MAP3K4: variants seen among roughly 807,000 people sequenced by gnomAD.
MAP3K4 encodes the protein mitogen-activated protein kinase kinase kinase 4.
MAP3K4 carries 67 observed loss-of-function variants against 185.6 expected under a neutral mutation model. The observed-to-expected ratio is 0.36, with a 90% confidence interval of 0.30 to 0.44. The LOEUF (loss-of-function observed/expected upper bound fraction) is 0.44, where lower values mean the gene tolerates loss of function less well. MAP3K4 is among the 20% of genes least tolerant of loss of function. MAP3K4 has a pLI of 1.00. For missense variants in MAP3K4, 1,551 were observed against 1,995.1 expected, an observed-to-expected ratio of 0.78 and a Z score of 4.24; for synonymous variants, 702 against 710.4, an observed-to-expected ratio of 0.99 and a Z score of 0.19.
At chr6:161,102,895 A>G (rs1583236908) in intron 19 of MAP3K4, 116 bp downstream of exon 19, 2 of 630,328 alleles carry the variant, frequency 3.2e-6, no homozygotes, top group East Asian at 5.7e-5. Context: ...GGCCTCCTCC[A>G]TTACTATTTT....
chr6:161,044,642 T>A (rs1783637035), intron 2 of MAP3K4, among the ~76,000 whole-genome samples: 1 of 152,234 alleles, frequency 6.6e-6, no homozygotes, highest in Non-Finnish European at 1.5e-5. Context: ...ACTCTCTGTG[T>A]CAGTCCATTT....
rs1777704954 is a variant in MAP3K4 at position 161,098,875 on chromosome 6, TAGA to T, written c.3674+451_3674+453del. Among the ~76,000 whole-genome samples, 1 of 152,162 alleles carries T rather than the reference TAGA, an allele frequency of 6.6e-6. No homozygotes were observed. The highest frequency in any genetic ancestry group is 6.5e-5 in the Admixed American group (1 of 15,276). The stretch of plus-strand genomic sequence containing the variant: ...TACTCTATTTTAAATAATTGTTGAT[TAGA>T]AGTAGTTTATAGAAGTGGAAAAATG... On this transcript the variant is annotated intron_variant, in intron 17 of 26. Transcript: ENST00000392142. This position sits in a 1 kb window ranked among gnomAD's most constrained non-coding sequence, Gnocchi z 4.4.
chr6:161,093,152 CATGAG>C lies in MAP3K4; in HGVS notation c.3348+99_3348+103del, dbSNP rs1562534982. ...TTTTATATGTAATAGTGGTTTTTTT[CATGAG>C]ATATTAATCTCAGCATATCATGTAA... On this transcript the variant is annotated intron_variant, in intron 14 of 26. Coordinates refer to ENST00000392142, the MANE Select transcript of MAP3K4 (RefSeq NM_005922.4). This position sits in a 1 kb window ranked among gnomAD's most constrained non-coding sequence, Gnocchi z 5.2. 7.8e-6 allele frequency: 6 copies of C among 769,672 alleles called. No individual in the cohort carries two copies. In the African/African-American group the frequency reaches 1.1e-4, roughly 14 times the overall value. The allele number at this position is 769,672 out of a possible 1,614,324, so 47.7% of individuals were successfully genotyped here.
chr6:161,064,106 T>G lies in MAP3K4; in HGVS notation c.1708-6502T>G, dbSNP rs148605912. Among the ~76,000 whole-genome samples, 163 of 152,328 alleles carry G rather than the reference T, an allele frequency of 1.1e-3. No individual in the cohort carries two copies. Among genetic ancestry groups the G allele is most frequent in the Middle Eastern group, 0.01 (3 of 294 alleles). The stretch of plus-strand genomic sequence containing the variant: ...TGCCACCACTTTTTCCCAGAATTCT[T>G]TTTTTCAGTTTGACCTGTACTAAAT... On this transcript the variant is annotated intron_variant, in intron 3 of 26. Transcript: ENST00000392142. The surrounding 1 kb of genome is among the most constrained non-coding windows in gnomAD (Gnocchi z 4.3).
chr6:161,038,675 G>T (rs1753551320), intron 2 of MAP3K4, among the ~76,000 whole-genome samples: 2 of 152,218 alleles, frequency 1.3e-5, no homozygotes, highest in Non-Finnish European at 2.9e-5. Flanking sequence ...TGATTCTGTG[G>T]TTCAGGTGTG....
intron 1 of MAP3K4, among the ~76,000 whole-genome samples, chr6:161,002,909 G>A (rs1428830029): frequency 6.6e-6 from 1 of 151,924 alleles, no homozygotes; most frequent in Non-Finnish European, 1.5e-5. Context: ...TCTTTTCTGT[G>A]TATTTTTTTT....
At chr6:161,055,899 A>G (rs74367221) in intron 3 of MAP3K4, among the ~76,000 whole-genome samples, 5,848 of 152,334 alleles carry the variant, frequency 0.038, 154 homozygotes, top group South Asian at 0.073. Context: ...AGGGGAGGGA[A>G]ATTAATCTCT....
At chr6:161,062,032 T>C (rs1009101442) in intron 3 of MAP3K4, among the ~76,000 whole-genome samples, 5 of 152,216 alleles carry the variant, frequency 3.3e-5, no homozygotes, top group African/African-American at 9.6e-5. Flanking sequence ...TGTTTTTTAG[T>C]GTAACCTTTT....
chr6:161,015,922 GTAC>G, intron 1 of MAP3K4, among the ~76,000 whole-genome samples: 1 of 152,292 alleles, frequency 6.6e-6, no homozygotes, highest in African/African-American at 2.4e-5. Flanking sequence ...AGCAGTGGGA[GTAC>G]TACATTTTGT....
chr6:160,995,954 CT>C (rs1047498470), intron 1 of MAP3K4, among the ~76,000 whole-genome samples: 3 of 152,222 alleles, frequency 2.0e-5, no homozygotes, highest in Non-Finnish European at 2.9e-5. Flanking sequence ...TAACAATTAA[CT>C]TTTTTTAAAA....
rs1785599672 is a variant in MAP3K4, at chr6:161,084,460, C to T, written c.2256-41C>T. 3 of 929,064 alleles carry T rather than the reference C, an allele frequency of 3.2e-6. No homozygotes were observed. The highest frequency in any genetic ancestry group is 2.4e-5 in the East Asian group (1 of 41,728). 57.6% of individuals were successfully genotyped at this position (929,064 alleles called of 1,614,324 possible). ...TCAAGAATTAGGCTATGAGTAGGGA[C>T]AGTTTTCTTCTCTGTTTTATTTTTA... On this transcript the variant is annotated intron_variant, in intron 6 of 26. Transcript: ENST00000392142. This position sits in a 1 kb window ranked among gnomAD's most constrained non-coding sequence, Gnocchi z 4.6.
At position 161,061,787 on chromosome 6, in the gene MAP3K4, C is replaced by T. The variant is rs1366516383; in HGVS notation, c.1708-8821C>T. 5.3e-5 allele frequency among the ~76,000 whole-genome samples: 8 copies of T among 152,172 alleles called. No individual in the cohort carries two copies. Among genetic ancestry groups the T allele is most frequent in the Middle Eastern group, 3.2e-3 (1 of 316 alleles). On this transcript the variant is annotated intron_variant, in intron 3 of 26. Coordinates refer to ENST00000392142, the MANE Select transcript of MAP3K4 (RefSeq NM_005922.4). The surrounding 1 kb of genome is among the most constrained non-coding windows in gnomAD (Gnocchi z 4.2). Reference sequence around the variant, plus strand: ...TCATCCTTGCTGTGGTATGTATTGGCGCTTCATTCCTTTTTATGACTGAAT... The same window carrying T: ...TCATCCTTGCTGTGGTATGTATTGGTGCTTCATTCCTTTTTATGACTGAAT...
intron 1 of MAP3K4, among the ~76,000 whole-genome samples, chr6:161,004,398 A>G (rs1157398337): frequency 6.6e-6 from 1 of 152,210 alleles, no homozygotes; most frequent in African/African-American, 2.4e-5. Flanking sequence ...CATTTTACCT[A>G]TACACATTTA....
In MAP3K4 at chr6:160,992,212, G is replaced by A. The variant is rs572186997; in HGVS notation, c.152+129G>A. On this transcript the variant is annotated intron_variant, in intron 1 of 26. Coordinates refer to ENST00000392142, the MANE Select transcript of MAP3K4 (RefSeq NM_005922.4). ...AAGCATCCAGTCTCTGCAGGCTGGG[G>A]CGGGAGGGGCGCGGTGCATCCCTGG... 1.7e-4 allele frequency: 215 copies of A among 1,277,850 alleles called. 1 individual carries two copies. The African/African-American group carries it at 3.0e-3, about 18-fold the overall frequency. The allele number at this position is 1,277,850 out of a possible 1,614,324, so 79.2% of individuals were successfully genotyped here.
chr6:161,024,581 A>G (rs192655236), intron 1 of MAP3K4, among the ~76,000 whole-genome samples: 100 of 152,274 alleles, frequency 6.6e-4, no homozygotes, highest in African/African-American at 2.3e-3. Context: ...TTTGAGAAGT[A>G]ATGATTAGGT....
rs1783044988 is a variant in MAP3K4, at chr6:161,034,011, A to G, written c.153-248A>G. ...TCTATAAACAAGAGAAACAGAAAGCATAACAGCTCTACCCATGTGGTACTC... is the reference window on the plus strand; with the variant it reads ...TCTATAAACAAGAGAAACAGAAAGCGTAACAGCTCTACCCATGTGGTACTC... On this transcript the variant is annotated intron_variant, in intron 1 of 26. Transcript: ENST00000392142. This position sits in a 1 kb window ranked among gnomAD's most constrained non-coding sequence, Gnocchi z 4.4. Among the ~76,000 whole-genome samples, 1 of 152,222 alleles carries G rather than the reference A, an allele frequency of 6.6e-6. No homozygotes were observed. Among genetic ancestry groups the G allele is most frequent in the Admixed American group, 6.5e-5 (1 of 15,278 alleles).
Position 161,108,687 on chromosome 6 carries a change from A to T in MAP3K4, c.4120-56A>T, listed in dbSNP as rs899892537. ...CAAAATGATGTTTCAGTGTATGTGT[A>T]TAATGTAGAGTGATTAAATCAAGCC... On this transcript the variant is annotated intron_variant, in intron 21 of 26. Transcript: ENST00000392142. The surrounding 1 kb of genome is among the most constrained non-coding windows in gnomAD (Gnocchi z 5.7). The T allele has an allele frequency of 7.3e-6, 7 of 953,192 alleles. No homozygotes were observed. In the East Asian group the frequency reaches 1.7e-4, roughly 23 times the overall value. The allele number at this position is 953,192 out of a possible 1,614,324, so 59.0% of individuals were successfully genotyped here.
At chr6:161,092,866 T>C (rs1777388708) in intron 13 of MAP3K4, 112 bp from the exon 14 acceptor site, 2 of 582,982 alleles carry the variant, frequency 3.4e-6, no homozygotes, top group Non-Finnish European at 6.1e-6. Flanking sequence ...AAAAAAAGTG[T>C]CTTGTCCTAA....
chr6:161,012,509 A>C (rs767951761), intron 1 of MAP3K4, among the ~76,000 whole-genome samples: 1 of 152,220 alleles, frequency 6.6e-6, no homozygotes, highest in African/African-American at 2.4e-5. Context: ...ATAAATTTAC[A>C]TCTATAATCT....
Sources: allele counts gnomAD v4.1 joint callset (sites outside exome capture counted in the v4.1 genomes callset), GRCh38; gene constraint gnomAD v4.1.1; non-coding constraint Gnocchi (gnomAD v3.1); transcripts MANE v1.5; gene names NCBI Gene and HGNC (gene_info 2026-07-23, HGNC 2026-07-21).